The following LHFPL3 variants were observed in gnomAD, a reference collection of about 807,000 sequenced individuals.
LHFPL3 encodes LHFPL tetraspan subfamily member 3 protein.
LHFPL3 carries 5 observed loss-of-function variants against 19.3 expected under a neutral mutation model. The ratio of observed to expected loss-of-function variants is 0.26; its 90% CI spans 0.14 to 0.54. The LOEUF (loss-of-function observed/expected upper bound fraction) is 0.54. Among genes scored for constraint, LHFPL3 ranks in the 20% least tolerant of loss-of-function variants. The pLI is 0.94. For synonymous variants in LHFPL3, 133 were observed against 126.2 expected, an observed-to-expected ratio of 1.05 and a Z score of -0.36; for missense variants, 249 against 307.4, an observed-to-expected ratio of 0.81 and a Z score of 1.42.
chr7:104,350,044 A>G (rs544176346), intron 1 of LHFPL3, among the ~76,000 whole-genome samples: 3 of 152,150 alleles, frequency 2.0e-5, no homozygotes, highest in African/African-American at 7.2e-5. Context: ...TATGAGGTGT[A>G]TTATTATTAT....
chr7:104,660,068 C>A (rs891317597), intron 1 of LHFPL3, among the ~76,000 whole-genome samples: 1 of 148,772 alleles, frequency 6.7e-6, no homozygotes. Flanking sequence ...GTGGTGTGAT[C>A]TTGGCTCACT....
intron 2 of LHFPL3, among the ~76,000 whole-genome samples, chr7:104,902,985 G>A (rs984373874): frequency 3.3e-5 from 5 of 152,072 alleles, no homozygotes; most frequent in African/African-American, 4.8e-5. Context: ...AAATGTTCCC[G>A]GAACCTTCCT....
chr7:104,443,427 T>G (rs1458442396), intron 1 of LHFPL3, among the ~76,000 whole-genome samples: 1 of 152,220 alleles, frequency 6.6e-6, no homozygotes, highest in Non-Finnish European at 1.5e-5. Flanking sequence ...TTGTGTAACT[T>G]ATCAAGCGCC....
At chr7:104,518,207 CTAACAG>C (rs1245683489) in intron 1 of LHFPL3, among the ~76,000 whole-genome samples, 1 of 152,046 alleles carries the variant, frequency 6.6e-6, no homozygotes, top group East Asian at 1.9e-4. Context: ...TTGTATACTA[CTAACAG>C]TAAGTTTATA....
chr7:104,328,813 G>T lies in LHFPL3; in HGVS notation c.34G>T (p.Ala12Ser). The change falls in exon 1 of 3, where the codon GCC becomes TCC. Residue 12 changes from alanine (A) to serine (S), a missense_variant. Ala to Ser is a moderately conservative substitution (Grantham distance 99, BLOSUM62 1). Coordinates refer to ENST00000424859, the MANE Select transcript of LHFPL3 (RefSeq NM_199000.3). The surrounding 1 kb of genome is among the most constrained non-coding windows in gnomAD (Gnocchi z 4.6). Reference sequence around the variant, plus strand: ...AGCCGCCGCCGCTGCCGCCGCCGCCGCCGCCGCGATGCTCCCGGCTCAGGA... The same window carrying T: ...AGCCGCCGCCGCTGCCGCCGCCGCCTCCGCCGCGATGCTCCCGGCTCAGGA... Reference protein sequence around the residue: ...PGAAAAAAAAAAAMLPAQEAA... With the variant: ...PGAAAAAAAASAAMLPAQEAA... The T allele has an allele frequency of 6.2e-7, 1 of 1,609,694 alleles. No homozygotes were observed. The highest frequency in any genetic ancestry group is 8.5e-7 in the Non-Finnish European group (1 of 1,177,942).
intron 1 of LHFPL3, among the ~76,000 whole-genome samples, chr7:104,485,618 C>G (rs1793221768): frequency 6.6e-6 from 1 of 152,106 alleles, no homozygotes; most frequent in Non-Finnish European, 1.5e-5. Context: ...ATTAGATTTT[C>G]TATCATTTTT....
At chr7:104,395,185 A>G (rs1225290913) in intron 1 of LHFPL3, among the ~76,000 whole-genome samples, 1 of 152,208 alleles carries the variant, frequency 6.6e-6, no homozygotes, top group Admixed American at 6.5e-5. Flanking sequence ...GGTGTTAGAT[A>G]GCTTACTAAT....
At chr7:104,864,283 G>A (rs939973406) in intron 2 of LHFPL3, among the ~76,000 whole-genome samples, 10 of 152,178 alleles carry the variant, frequency 6.6e-5, no homozygotes, top group South Asian at 2.1e-4. Flanking sequence ...AGTGGGTGCA[G>A]TGCACCGAGC....
chr7:104,672,998 C>T (rs977773843), intron 1 of LHFPL3, among the ~76,000 whole-genome samples: 5 of 152,054 alleles, frequency 3.3e-5, no homozygotes, highest in Non-Finnish European at 7.4e-5. Flanking sequence ...GAAATAATGC[C>T]CCCCCTTTTC....
At chr7:104,497,033 C>G (rs1243133196) in intron 1 of LHFPL3, among the ~76,000 whole-genome samples, 4 of 152,114 alleles carry the variant, frequency 2.6e-5, no homozygotes, top group Non-Finnish European at 5.9e-5. Flanking sequence ...CTAAATAGCC[C>G]TTGTCTTCCT....
At chr7:104,359,150 T>C (rs1477877999) in intron 1 of LHFPL3, among the ~76,000 whole-genome samples, 1 of 152,190 alleles carries the variant, frequency 6.6e-6, no homozygotes. Context: ...TTCTTCCTTG[T>C]CAACTAGAAA....
intron 1 of LHFPL3, among the ~76,000 whole-genome samples, chr7:104,705,681 A>G (rs1793178519): frequency 6.6e-6 from 1 of 152,148 alleles, no homozygotes; most frequent in Non-Finnish European, 1.5e-5. Flanking sequence ...AGGGTTCCCC[A>G]GGCCATGAGG....
chr7:104,742,984 G>T (rs1793963597), intron 2 of LHFPL3, among the ~76,000 whole-genome samples: 1 of 152,128 alleles, frequency 6.6e-6, no homozygotes, highest in South Asian at 2.1e-4. Context: ...AGCTGGGCAT[G>T]GTGGTGGGCA....
At chr7:104,766,148 G>A (rs1402572499) in intron 2 of LHFPL3, among the ~76,000 whole-genome samples, 1 of 152,186 alleles carries the variant, frequency 6.6e-6, no homozygotes, top group Non-Finnish European at 1.5e-5. Flanking sequence ...TCTGTGGATG[G>A]TAATGTCGAG....
At chr7:104,874,406 T>TTG (rs1012370512) in intron 2 of LHFPL3, among the ~76,000 whole-genome samples, 19 of 131,706 alleles carry the variant, frequency 1.4e-4, no homozygotes, top group Admixed American at 5.5e-4. Context: ...TTTTTTTTTT[T>TTG]GGGGGGGGGA....
At chr7:104,681,013 T>C (rs1792685302) in intron 1 of LHFPL3, among the ~76,000 whole-genome samples, 1 of 152,182 alleles carries the variant, frequency 6.6e-6, no homozygotes, top group Admixed American at 6.5e-5. Context: ...GAGAAGTAAA[T>C]ATATATTTGA....
chr7:104,717,851 T>C (rs992392007), intron 1 of LHFPL3, among the ~76,000 whole-genome samples: 7 of 152,280 alleles, frequency 4.6e-5, no homozygotes, highest in African/African-American at 1.7e-4. Flanking sequence ...ATATTAGTAT[T>C]CCTATGTTCA....
intron 1 of LHFPL3, among the ~76,000 whole-genome samples, chr7:104,361,663 G>A (rs1451373037): frequency 3.3e-5 from 5 of 152,130 alleles, no homozygotes; most frequent in Non-Finnish European, 7.3e-5. Flanking sequence ...ACACAGAGAA[G>A]GCCTTGAGGA....
At chr7:104,593,529 G>A (rs1790772938) in intron 1 of LHFPL3, among the ~76,000 whole-genome samples, 1 of 152,170 alleles carries the variant, frequency 6.6e-6, no homozygotes, top group Non-Finnish European at 1.5e-5. Flanking sequence ...ATTTGGGGTG[G>A]AGAGTTCTGT....
Sources: allele counts gnomAD v4.1 joint callset (sites outside exome capture counted in the v4.1 genomes callset), GRCh38; gene constraint gnomAD v4.1.1; non-coding constraint Gnocchi (gnomAD v3.1); transcripts MANE v1.5; gene names NCBI Gene and HGNC (gene_info 2026-07-23, HGNC 2026-07-21).